Variants in ZNF69 observed in about 807,000 individuals in gnomAD.
The protein encoded by ZNF69 is ZNF3.
Under a neutral mutation model 50.9 loss-of-function variants are expected in ZNF69, and 47 were observed. That is an observed-to-expected ratio of 0.92 (90% CI 0.73 to 1.18). The LOEUF is 1.18. ZNF69 is among the 50% of genes most tolerant of loss of function. The pLI is 0.00. For missense variants in ZNF69, 717 were observed against 675.1 expected (o/e 1.06, Z -0.69); for synonymous variants, 216 against 223.1 (o/e 0.97, Z 0.29).
the ZNF69 span, among the ~76,000 whole-genome samples, chr19:11,933,965 C>G: frequency 6.8e-6 from 1 of 147,790 alleles, no homozygotes; most frequent in Non-Finnish European, 1.5e-5. Flanking sequence ...TGTGAGCCAT[C>G]ATGTCCGGCC....
the ZNF69 span, among the ~76,000 whole-genome samples, chr19:11,975,432 C>T: frequency 6.7e-6 from 1 of 148,180 alleles, no homozygotes; most frequent in East Asian, 2.0e-4. Context: ...GAGTCTTGCT[C>T]TGTCGCCCAG....
At position 11,887,884 on chromosome 19, in the gene ZNF69, G is replaced by C; in HGVS notation, c.-40G>C. The stretch of plus-strand genomic sequence containing the variant: ...TCTTTCCAGCCCCGAGAGGGACCTG[G>C]TTCCTCTGCCCAGGCTTCTGTCACT... On this transcript the variant is annotated 5_prime_UTR_variant, in exon 1 of 4. Coordinates refer to ENST00000429654, the MANE Select transcript of ZNF69 (RefSeq NM_001364730.1). 1.3e-6 allele frequency: 2 copies of C among 1,595,746 alleles called. No homozygotes were observed. The highest frequency in any genetic ancestry group is 1.7e-6 in the Non-Finnish European group (2 of 1,166,662).
At chr19:11,928,106 C>G in the ZNF69 span, among the ~76,000 whole-genome samples, 2 of 152,044 alleles carry the variant, frequency 1.3e-5, no homozygotes, top group South Asian at 4.1e-4. Context: ...AGCACCTCCG[C>G]CTCTCAAGTA....
chr19:11,949,850 A>T, the ZNF69 span: 11 of 1,604,028 alleles, frequency 6.9e-6, no homozygotes, highest in Admixed American at 1.9e-4. Flanking sequence ...AACCTTCGAA[A>T]GCATGGTAGG....
intron 1 of ZNF69, among the ~76,000 whole-genome samples, chr19:11,892,352 T>C (rs1359075587): frequency 1.3e-5 from 2 of 152,096 alleles, no homozygotes; most frequent in Non-Finnish European, 2.9e-5. Flanking sequence ...TGTTTTTTAT[T>C]TCCTTTTCAA....
the ZNF69 span, chr19:11,949,101 AAGAC>A: frequency 3.7e-6 from 6 of 1,612,152 alleles, no homozygotes; most frequent in South Asian, 6.6e-5. Context: ...ACTCTGGAGA[AAGAC>A]CTTATAAATG....
At chr19:11,903,870 T>A in intron 2 of ZNF69, 35 bp from the exon 3 acceptor site, 1 of 1,607,836 alleles carries the variant, frequency 6.2e-7, no homozygotes, top group Non-Finnish European at 8.5e-7. Context: ...AATTTTATAC[T>A]GCCTCAGGAC....
intron 3 of ZNF69, 104 bp from the exon 4 acceptor site, chr19:11,904,545 T>C (rs1158800061): frequency 8.3e-6 from 12 of 1,451,782 alleles, no homozygotes; most frequent in Non-Finnish European, 1.1e-5. Context: ...GCAGAAAGCC[T>C]ACACTTTGAT....
the ZNF69 span, among the ~76,000 whole-genome samples, chr19:11,922,393 A>G: frequency 6.6e-6 from 1 of 152,200 alleles, no homozygotes; most frequent in African/African-American, 2.4e-5. Context: ...CTTTTTGGAT[A>G]TGAATCGTCT....
the ZNF69 span, among the ~76,000 whole-genome samples, chr19:11,927,283 G>A: frequency 6.6e-6 from 1 of 152,052 alleles, no homozygotes; most frequent in Non-Finnish European, 1.5e-5. Flanking sequence ...GAACCCCAGA[G>A]GCAGAGGTTG....
At chr19:11,908,415 G>A (rs1478062733), downstream of ZNF69, among the ~76,000 whole-genome samples, 1 of 152,112 alleles carries the variant, frequency 6.6e-6, no homozygotes, top group Non-Finnish European at 1.5e-5. Flanking sequence ...TGACCACATA[G>A]TTGGAAGTAA....
rs527344980 is a variant in ZNF69, at chr19:11,890,888, C to T, written c.63+2902C>T. ...GTCGCCTTATTTGGACTTGCCAGCC[C>T]GAAATAATTCAAAGGTTCAGATTTC... is the stretch of plus-strand genomic sequence containing the variant. On this transcript the variant is annotated intron_variant, in intron 1 of 3. Coordinates refer to ENST00000429654, the MANE Select transcript of ZNF69 (RefSeq NM_001364730.1). Among the ~76,000 whole-genome samples, 22 of 151,934 alleles carry T rather than the reference C, an allele frequency of 1.4e-4. No homozygotes were observed. The East Asian group carries it at 2.7e-3, about 19-fold the overall frequency.
At chr19:11,955,068 A>C in the ZNF69 span, among the ~76,000 whole-genome samples, 5 of 143,066 alleles carry the variant, frequency 3.5e-5, no homozygotes, top group Non-Finnish European at 6.0e-5. Context: ...GCAATGGCTC[A>C]ATCTTGGCTC....
At chr19:11,917,894 T>C (rs1428400925), downstream of ZNF69, among the ~76,000 whole-genome samples, 2 of 149,910 alleles carry the variant, frequency 1.3e-5, no homozygotes, top group Non-Finnish European at 3.0e-5. Flanking sequence ...CTCAAGCAAC[T>C]GTCCTACCTC....
At chr19:11,920,191 A>C in the ZNF69 span, among the ~76,000 whole-genome samples, 1 of 149,806 alleles carries the variant, frequency 6.7e-6, no homozygotes, top group Non-Finnish European at 1.5e-5. Context: ...AGCTCACTGC[A>C]ACTTCTGCCT....
chr19:11,976,907 C>T, the ZNF69 span: 48 of 1,528,678 alleles, frequency 3.1e-5, 1 homozygote, highest in Middle Eastern at 2.3e-4. Flanking sequence ...GTACAGAAAG[C>T]GAGAAAGGGA....
Position 11,903,623 on chromosome 19 carries a change from G to A in ZNF69, c.114G>A (p.Trp38Ter). 1 of 1,614,142 alleles carries A rather than the reference G, an allele frequency of 6.2e-7. No homozygotes were observed. The highest frequency in any genetic ancestry group is 2.2e-5 in the East Asian group (1 of 44,876). Residue 38 changes from tryptophan to a stop codon, truncating the protein, a stop_gained, in exon 2 of 4, where the codon TGG (tryptophan) becomes TGA (stop). Transcript: ENST00000429654. LOFTEE classifies it high-confidence loss of function. ...DVAVNFTQEEWALLDISQRKL... is the reference protein window; with the variant it reads ...DVAVNFTQEE ...CTGTGAACTTCACCCAGGAGGAGTG[G>A]GCTTTGCTGGATATTTCCCAGAGGA...
In ZNF69 at chr19:11,913,107, G is replaced by A. The variant is rs534052387; in HGVS notation, c.449-302G>A. ...AGCTACTCGGCAGGCTGAGGCAGGA[G>A]AATGGCATGAATCCAGGAGGCAGAG... On this transcript the variant is annotated intron_variant, in intron 4 of 4. Transcript: ENST00000340180. Among the ~76,000 whole-genome samples the A allele has an allele frequency of 8.5e-4, 129 of 152,000 alleles. 1 individual carries two copies. The Middle Eastern group carries it at 0.014, about 16-fold the overall frequency.
Position 11,906,023 on chromosome 19 carries a change from C to T in ZNF69, c.1626C>T (p.Ala542=). 6.2e-7 allele frequency: 1 copy of T among 1,613,950 alleles called. No individual in the cohort carries two copies. The highest frequency in any genetic ancestry group is 8.5e-7 in the Non-Finnish European group (1 of 1,179,984). The change falls in exon 4 of 4, where the codon GCC becomes GCT. Residue 542 remains alanine (A), a synonymous_variant. Coordinates refer to ENST00000429654, the MANE Select transcript of ZNF69 (RefSeq NM_001364730.1). ...KPYKCKQCGK[A]FRAASVLRMH... ...ATAAATGCAAGCAATGTGGGAAAGC[C>T]TTCAGAGCTGCCTCAGTCCTTCGAA...
Sources: allele counts gnomAD v4.1 joint callset (sites outside exome capture counted in the v4.1 genomes callset), GRCh38; gene constraint gnomAD v4.1.1; transcripts MANE v1.5; gene names NCBI Gene and HGNC (gene_info 2026-07-23, HGNC 2026-07-21).